APP: variants seen among roughly 807,000 people sequenced by gnomAD.
APP encodes the protein amyloid beta precursor protein.
Under a neutral mutation model 101.4 loss-of-function variants are expected in APP, and 31 were observed. The observed-to-expected ratio is 0.31, with a 90% confidence interval of 0.23 to 0.41. APP has a LOEUF of 0.41. Ranked by LOEUF, APP falls within the 10% of genes least tolerant of loss-of-function variation. APP has a pLI of 1.00. For synonymous variants in APP, 366 were observed against 364.4 expected (o/e 1.00, Z -0.05); for missense variants, 839 against 1,003.7 (o/e 0.84, Z 2.22).
intron 13 of APP, among the ~76,000 whole-genome samples, chr21:25,915,375 T>G (rs2039304133): frequency 6.6e-6 from 1 of 152,218 alleles, no homozygotes; most frequent in African/African-American, 2.4e-5. Flanking sequence ...ACAAGGAGAC[T>G]GAGGCTGGGA....
At chr21:26,072,844 T>C (rs2061432336) in intron 3 of APP, among the ~76,000 whole-genome samples, 1 of 152,208 alleles carries the variant, frequency 6.6e-6, no homozygotes, top group Admixed American at 6.5e-5. Context: ...GAAACAGATT[T>C]TTATCCCAAA....
chr21:25,893,045 G>A (rs181529151), intron 16 of APP, among the ~76,000 whole-genome samples: 3 of 152,108 alleles, frequency 2.0e-5, no homozygotes, highest in African/African-American at 7.2e-5. Context: ...CTTCATGTCT[G>A]TGTCACATTT....
At chr21:26,086,773 C>T (rs1447759840) in intron 3 of APP, among the ~76,000 whole-genome samples, 2 of 152,186 alleles carry the variant, frequency 1.3e-5, no homozygotes, top group Non-Finnish European at 2.9e-5. Flanking sequence ...ACAACGATAG[C>T]TGTGAGTTTC....
chr21:26,101,095 C>CTTTTT (rs35407047), intron 2 of APP, among the ~76,000 whole-genome samples: 2 of 79,342 alleles, frequency 2.5e-5, no homozygotes, highest in African/African-American at 4.9e-5. Context: ...TTTTTTTTTC[C>CTTTTT]TTTTTTTTTT....
intron 1 of APP, among the ~76,000 whole-genome samples, chr21:26,141,688 A>G (rs1309436024): frequency 4.6e-5 from 7 of 152,174 alleles, no homozygotes; most frequent in Non-Finnish European, 8.8e-5. Flanking sequence ...AGTATATACT[A>G]TGTTCTCTGG....
intron 6 of APP, among the ~76,000 whole-genome samples, chr21:26,019,412 C>T (rs1446420905): frequency 6.6e-6 from 1 of 152,158 alleles, no homozygotes; most frequent in African/African-American, 2.4e-5. Context: ...ACTTTTGGCT[C>T]TAGTTCAAAT....
At chr21:26,139,947 A>G (rs2063004813) in intron 1 of APP, among the ~76,000 whole-genome samples, 1 of 152,262 alleles carries the variant, frequency 6.6e-6, no homozygotes, top group African/African-American at 2.4e-5. Flanking sequence ...AGAGTATTTT[A>G]CAAAGAGAAC....
intron 13 of APP, among the ~76,000 whole-genome samples, chr21:25,949,606 TA>T (rs1375910178): frequency 2.0e-5 from 3 of 152,196 alleles, no homozygotes; most frequent in African/African-American, 7.2e-5. Context: ...TTCAACCTTA[TA>T]TTTATAATTA....
intron 5 of APP, among the ~76,000 whole-genome samples, chr21:26,038,160 C>T (rs2045205817): frequency 6.6e-6 from 1 of 151,372 alleles, no homozygotes; most frequent in Admixed American, 6.6e-5. Flanking sequence ...TTTTTGCTTC[C>T]CTAAAATAAA....
intron 2 of APP, among the ~76,000 whole-genome samples, chr21:26,102,242 C>A (rs1313609430): frequency 1.3e-5 from 2 of 151,952 alleles, no homozygotes; most frequent in Non-Finnish European, 2.9e-5. Context: ...GTGCCCACCA[C>A]CACGCCCGGC....
At chr21:25,889,299 T>C (rs1466935855) in intron 17 of APP, among the ~76,000 whole-genome samples, 1 of 152,188 alleles carries the variant, frequency 6.6e-6, no homozygotes, top group Non-Finnish European at 1.5e-5. Flanking sequence ...GAAGGTCATG[T>C]GAAGATACAG....
chr21:26,045,845 T>A (rs1048884296), intron 5 of APP, among the ~76,000 whole-genome samples: 3 of 152,164 alleles, frequency 2.0e-5, no homozygotes, highest in African/African-American at 7.2e-5. Flanking sequence ...TTCATTTGCA[T>A]GTTGCCGATA....
At chr21:26,071,270 T>C (rs1297777593) in intron 3 of APP, among the ~76,000 whole-genome samples, 2 of 152,104 alleles carry the variant, frequency 1.3e-5, no homozygotes, top group Non-Finnish European at 2.9e-5. Flanking sequence ...CAGAAAGCAG[T>C]GGAACCATGC....
At chr21:25,916,633 T>C (rs1440934144) in intron 13 of APP, among the ~76,000 whole-genome samples, 4 of 152,200 alleles carry the variant, frequency 2.6e-5, no homozygotes, top group Non-Finnish European at 5.9e-5. Context: ...TAATACTTAA[T>C]TACAACACTC....
intron 12 of APP, among the ~76,000 whole-genome samples, chr21:25,955,389 T>C (rs1459391186): frequency 1.3e-5 from 2 of 152,228 alleles, no homozygotes; most frequent in African/African-American, 4.8e-5. Flanking sequence ...ATCAGTTCCT[T>C]AGCAATCAGT....
At chr21:26,043,021 C>T (rs2830024) in intron 5 of APP, among the ~76,000 whole-genome samples, 79,802 of 151,950 alleles carry the variant, frequency 0.53, 22,137 homozygotes, top group African/African-American at 0.7. Context: ...TGTACCTCTG[C>T]ATGCTCAGAT....
chr21:26,122,203 G>A (rs112865363), intron 1 of APP, among the ~76,000 whole-genome samples: 174 of 152,282 alleles, frequency 1.1e-3, no homozygotes, highest in Middle Eastern at 6.8e-3. Context: ...GGTGGAGAGG[G>A]CAATTCAGGC....
At chr21:26,084,286 T>C (rs561400550) in intron 3 of APP, among the ~76,000 whole-genome samples, 44 of 135,512 alleles carry the variant, frequency 3.2e-4, no homozygotes, top group African/African-American at 1.2e-3. Context: ...TCCCCCAGGC[T>C]GGAGCGCAGT....
At chr21:25,950,288 T>C (rs1263619636) in intron 13 of APP, among the ~76,000 whole-genome samples, 1 of 152,162 alleles carries the variant, frequency 6.6e-6, no homozygotes, top group Non-Finnish European at 1.5e-5. Context: ...CTATGCAAAT[T>C]AGAAAGGGTT....
Sources: gnomAD v4.1 joint callset for allele counts (sites outside exome capture counted in the v4.1 genomes callset) on GRCh38, gnomAD v4.1.1 for gene constraint, MANE v1.5 for transcripts, NCBI Gene and HGNC (gene_info 2026-07-23, HGNC 2026-07-21) for gene names.